NIN: variants seen among roughly 807,000 people sequenced by gnomAD.
The protein encoded by NIN is ninein, also known as glycogen synthase kinase 3 beta-interacting protein.
NIN carries 137 observed loss-of-function variants against 257.6 expected under a neutral mutation model. That is an observed-to-expected ratio of 0.53 (90% CI 0.46 to 0.61). The LOEUF (loss-of-function observed/expected upper bound fraction) is 0.61, where lower values mean the gene tolerates loss of function less well. NIN is among the 20% of genes least tolerant of loss of function. The pLI, the probability that NIN is intolerant of heterozygous loss-of-function variation, is 0.00. For synonymous variants in NIN, 918 were observed against 919.8 expected (o/e 1.00, Z 0.04); for missense variants, 2,439 against 2,501.2 (o/e 0.98, Z 0.53).
rs545427356 is a variant in NIN at position 50,720,171 on chromosome 14, G to A, written c.*3292C>T. ...GGTCCAAACATGATGATTTTTAAAT[G>A]AGTGCTTTGGTTAATTAGGCTTTGA... On this transcript the variant is annotated 3_prime_UTR_variant, in exon 31 of 31. Transcript: ENST00000530997. 5.8e-5 allele frequency: 13 copies of A among 223,088 alleles called. No homozygotes were observed. In the East Asian group the frequency reaches 7.2e-4, roughly 12 times the overall value. The allele number at this position is 223,088 out of a possible 1,614,324, so 13.8% of individuals were successfully genotyped here.
In NIN at chr14:50,737,181, C is replaced by T. The variant is rs146965835; in HGVS notation, c.5775+959G>A. On this transcript the variant is annotated intron_variant, in intron 27 of 30. Coordinates refer to ENST00000530997, the MANE Select transcript of NIN (RefSeq NM_020921.4). ...GACCACAGCTTCTGTCTTGGTCTTT[C>T]GGTCTCAGTGTCTGTTTCATCACTC... Among the ~76,000 whole-genome samples the T allele has an allele frequency of 8.5e-3, 1,287 of 152,246 alleles. 20 individuals carry two copies. Among genetic ancestry groups the T allele is most frequent in the African/African-American group, 0.029 (1,217 of 41,520 alleles).
At chr14:50,741,501 C>T (rs956626087) in intron 25 of NIN, 81 bp downstream of exon 25, 1 of 1,059,476 alleles carries the variant, frequency 9.4e-7, no homozygotes. Context: ...TACATATACA[C>T]ATAAAAATAA....
At chr14:50,824,034 G>C (rs899617826) in intron 2 of NIN, among the ~76,000 whole-genome samples, 3 of 152,108 alleles carry the variant, frequency 2.0e-5, no homozygotes, top group Non-Finnish European at 4.4e-5. Flanking sequence ...TCAGTGTTGC[G>C]GTAGCTCTTA....
At position 50,735,536 on chromosome 14, in the gene NIN, G is replaced by C. The variant is rs766026381; in HGVS notation, c.5857C>G (p.Leu1953Val). The C allele has an allele frequency of 6.2e-7, 1 of 1,613,064 alleles. No individual in the cohort carries two copies. Among genetic ancestry groups the C allele is most frequent in the Non-Finnish European group, 8.5e-7 (1 of 1,179,968 alleles). The change falls in exon 28 of 31, where the codon CTG (leucine) becomes GTG (valine). Residue 1953 changes from leucine to valine, a missense_variant. Physicochemically the swap from Leu to Val is conservative, Grantham distance 32. Coordinates refer to ENST00000530997, the MANE Select transcript of NIN (RefSeq NM_020921.4). The stretch of plus-strand genomic sequence containing the variant: ...CTTACCTCCATGAGCTGCTCATCCA[G>C]TTTTACTTGTTTCTTTTTCAGGCCT... ...NEGLKKKQVKLDEQLMEMQHL... is the reference protein window; with the variant it reads ...NEGLKKKQVKVDEQLMEMQHL...
intron 3 of NIN, among the ~76,000 whole-genome samples, chr14:50,813,702 G>C (rs998310807): frequency 1.3e-5 from 2 of 152,218 alleles, no homozygotes; most frequent in Non-Finnish European, 2.9e-5. Context: ...TGCAATCATG[G>C]AGATCAAATG....
chr14:50,739,465 G>GT lies in NIN; in HGVS notation c.5470dup (p.Thr1824AsnfsTer8). The GT allele has an allele frequency of 6.2e-7, 1 of 1,614,204 alleles. No individual in the cohort carries two copies. Among genetic ancestry groups the GT allele is most frequent in the Non-Finnish European group, 8.5e-7 (1 of 1,180,018 alleles). On this transcript the variant is annotated frameshift_variant, in exon 26 of 31. Transcript: ENST00000530997. LOFTEE classifies it high-confidence loss of function. The stretch of plus-strand genomic sequence containing the variant: ...CTGGTTATGGAGCCCTGATGGATGA[G>GT]TAGCTATCTCTGGGGCCCAGCTCTT...
Position 50,757,832 on chromosome 14 carries a change from G to A in NIN, c.3198C>T (p.Val1066=). The A allele has an allele frequency of 6.2e-7, 1 of 1,614,098 alleles. No homozygotes were observed. The highest frequency in any genetic ancestry group is 8.5e-7 in the Non-Finnish European group (1 of 1,180,036). ...GEQLLEENGD[V]LLSLQRAHEQ... Reference sequence around the variant, plus strand: ...CATGAGCTCTCTGCAGGCTTAAGAGGACGTCCCCATTTTCTTCCAACAGCT... The same window carrying A: ...CATGAGCTCTCTGCAGGCTTAAGAGAACGTCCCCATTTTCTTCCAACAGCT... The change falls in exon 18 of 31, where the codon GTC becomes GTT. Residue 1066 remains valine (V), a synonymous_variant. Transcript: ENST00000530997.
Position 50,726,137 on chromosome 14 carries a change from G to A in NIN, c.6079-71C>T, listed in dbSNP as rs1037227850. The stretch of plus-strand genomic sequence containing the variant: ...AAACACTGGTTTATTTTCCCCACAA[G>A]ATGCCTAGAGAAAGGACAGCAAATG... On this transcript the variant is annotated intron_variant, in intron 29 of 30. Transcript: ENST00000530997. 7 of 1,181,784 alleles carry A rather than the reference G, an allele frequency of 5.9e-6. No homozygotes were observed. The African/African-American group carries it at 7.6e-5, about 13-fold the overall frequency. 73.2% of individuals were successfully genotyped at this position (1,181,784 alleles called of 1,614,324 possible).
intron 15 of NIN, 43 bp downstream of exon 15, chr14:50,763,783 C>T: frequency 6.5e-7 from 1 of 1,533,920 alleles, no homozygotes; most frequent in Non-Finnish European, 8.9e-7. Context: ...TTTCTAAAAA[C>T]AAGAGTAAAG....
At chr14:50,775,787 C>G (rs1446548369) in intron 7 of NIN, among the ~76,000 whole-genome samples, 1 of 151,848 alleles carries the variant, frequency 6.6e-6, no homozygotes, top group African/African-American at 2.4e-5. Context: ...CAAAAACAAC[C>G]CAAGGTTCTA....
At chr14:50,751,326 G>A (rs1164471374) in intron 21 of NIN, among the ~76,000 whole-genome samples, 2 of 152,148 alleles carry the variant, frequency 1.3e-5, no homozygotes, top group Non-Finnish European at 2.9e-5. Context: ...AGGTACATAT[G>A]TAATTTTGTT....
intron 3 of NIN, among the ~76,000 whole-genome samples, chr14:50,810,331 C>T (rs1200844315): frequency 6.6e-6 from 1 of 151,680 alleles, no homozygotes; most frequent in African/African-American, 2.4e-5. Context: ...TGCTTCCCAA[C>T]TCACTGCAGA....
At position 50,757,599 on chromosome 14, in the gene NIN, A is replaced by G; in HGVS notation, c.3431T>C (p.Leu1144Pro). The change falls in exon 18 of 31, where the codon CTA becomes CCA. Residue 1144 changes from leucine to proline, a missense_variant. This residue lies in a region of NIN where 2,043 missense variants were observed against 2,050.2 expected (regional missense o/e 1.00). Transcript: ENST00000530997. ...QVEGVTRRHV[L>P]SDLEDDEVRD... ...GACCTCATCATCTTCCAGGTCACTT[A>G]GGACATGCCGCCTGGTCACACCTTC... is the stretch of plus-strand genomic sequence containing the variant. The G allele has an allele frequency of 6.2e-7, 1 of 1,614,122 alleles. No individual in the cohort carries two copies. The highest frequency in any genetic ancestry group is 8.5e-7 in the Non-Finnish European group (1 of 1,180,018).
chr14:50,812,525 C>T (rs1047342443), intron 3 of NIN, among the ~76,000 whole-genome samples: 3 of 152,162 alleles, frequency 2.0e-5, no homozygotes, highest in Non-Finnish European at 4.4e-5. Context: ...TTATCAGCTA[C>T]CCCATAGATT....
rs112804116 is a variant in NIN, at chr14:50,757,276, A to C, written c.3754T>G (p.Tyr1252Asp). ...TCATTTTCTCGGCTCACATCTTCATACAACAGCTTATATTTGGGAGAAGCC... is the reference window on the plus strand; with the variant it reads ...TCATTTTCTCGGCTCACATCTTCATCCAACAGCTTATATTTGGGAGAAGCC... ...PEASPKYKLL[Y>D]EDVSRENDCL... The change falls in exon 18 of 31, where the codon TAT becomes GAT. Residue 1252 changes from tyrosine to aspartate, a missense_variant. Tyr to Asp is a radical substitution (Grantham distance 160). This residue lies in a region of NIN where 2,043 missense variants were observed against 2,050.2 expected (regional missense o/e 1.00). Coordinates refer to ENST00000530997, the MANE Select transcript of NIN (RefSeq NM_020921.4). 2 of 1,614,058 alleles carry C rather than the reference A, an allele frequency of 1.2e-6. No homozygotes were observed. Among genetic ancestry groups the C allele is most frequent in the Non-Finnish European group, 8.5e-7 (1 of 1,180,046 alleles).
chr14:50,727,155 G>T, intron 29 of NIN: 2 of 615,734 alleles, frequency 3.2e-6, no homozygotes, highest in Non-Finnish European at 2.0e-6. Flanking sequence ...GCCCAACAAA[G>T]CAAAACAAAA....
In NIN at chr14:50,743,285, C is replaced by T. The variant is rs553160682; in HGVS notation, c.5301+131G>A. On this transcript the variant is annotated intron_variant, in intron 24 of 30. Transcript: ENST00000530997. ...TGCCACACTATAAACACACATCAAA[C>T]ATTGGTCAAATTGAATCATTTGGAA... The T allele has an allele frequency of 1.4e-5, 9 of 644,640 alleles. No individual in the cohort carries two copies. The South Asian group carries it at 1.6e-4, about 11-fold the overall frequency. 39.9% of individuals were successfully genotyped at this position (644,640 alleles called of 1,614,324 possible). A position where few individuals can be genotyped will look rare whatever the true frequency, so the allele number is the denominator to read the frequency against.
At chr14:50,772,173 CT>C (rs2042762587) in intron 9 of NIN, 127 bp downstream of exon 9, 1 of 902,248 alleles carries the variant, frequency 1.1e-6, no homozygotes, top group Admixed American at 2.9e-5. Flanking sequence ...TACCTTTTAT[CT>C]TTGAGACTTT....
chr14:50,767,755 T>C (rs552282671), intron 12 of NIN, among the ~76,000 whole-genome samples: 1 of 149,590 alleles, frequency 6.7e-6, no homozygotes, highest in African/African-American at 2.5e-5. Flanking sequence ...AGGTGGAGCT[T>C]GCAGTGAGCC....
Sources: allele counts gnomAD v4.1 joint callset (sites outside exome capture counted in the v4.1 genomes callset), GRCh38; gene constraint gnomAD v4.1.1; regional missense constraint gnomAD v4.1.1; transcripts MANE v1.5; gene names NCBI Gene and HGNC (gene_info 2026-07-23, HGNC 2026-07-21).